The following GAPVD1 variants were observed in gnomAD, a reference collection of about 807,000 sequenced individuals.
GAPVD1 encodes the protein GTPase-activating protein and VPS9 domain-containing protein 1.
GAPVD1 carries 35 observed loss-of-function variants against 155.5 expected under a neutral mutation model. The observed-to-expected ratio is 0.23, with a 90% CI of 0.17 to 0.30. The LOEUF (loss-of-function observed/expected upper bound fraction) is 0.30. Ranked by LOEUF, GAPVD1 falls within the 10% of genes least tolerant of loss-of-function variation. The probability of loss-of-function intolerance (pLI) is 1.00; values close to 1 mark genes in which losing one functional copy is unlikely to be tolerated. For missense variants in GAPVD1, 1,429 were observed against 1,775.7 expected (o/e 0.80, Z 3.51); for synonymous variants, 636 against 619.7 (o/e 1.03, Z -0.39).
chr9:125,332,385 A>G (rs1212024194), intron 14 of GAPVD1, 125 bp from the exon 15 acceptor site: 4 of 721,102 alleles, frequency 5.5e-6, no homozygotes, highest in African/African-American at 5.3e-5. Context: ...ATATAATACT[A>G]AACTCACATG....
intron 9 of GAPVD1, among the ~76,000 whole-genome samples, chr9:125,319,569 CTA>C (rs1381540698): frequency 1.7e-5 from 2 of 119,288 alleles, no homozygotes; most frequent in African/African-American, 6.5e-5. Flanking sequence ...TGGCCTATGT[CTA>C]TTAATTTCAA....
chr9:125,341,491 A>G lies in GAPVD1; in HGVS notation c.2965+227A>G, dbSNP rs550688054. 1.2e-5 allele frequency: 5 copies of G among 417,572 alleles called. No homozygotes were observed. In the East Asian group the frequency reaches 1.8e-4, roughly 15 times the overall value. 25.9% of individuals were successfully genotyped at this position (417,572 alleles called of 1,614,324 possible). A position where few individuals can be genotyped will look rare whatever the true frequency, so the allele number is the denominator to read the frequency against. On this transcript the variant is annotated intron_variant, in intron 18 of 27. Transcript: ENST00000297933. ...GATAGTGGTTTCATAAATGGAAGTC[A>G]TGCCTGTCACTATTGTTTAAATATC...
At chr9:125,301,215 C>A (rs529189148) in intron 4 of GAPVD1, among the ~76,000 whole-genome samples, 1 of 152,136 alleles carries the variant, frequency 6.6e-6, no homozygotes, top group South Asian at 2.1e-4. Context: ...CCTACAGGCA[C>A]ACGCCACCAC....
chr9:125,277,706 CA>C (rs966524418), intron 2 of GAPVD1, among the ~76,000 whole-genome samples: 1 of 144,186 alleles, frequency 6.9e-6, no homozygotes, highest in Non-Finnish European at 1.5e-5. Context: ...TTTTTTGAGA[CA>C]GGGTCTTGCT....
intron 2 of GAPVD1, among the ~76,000 whole-genome samples, chr9:125,288,888 T>C (rs907638811): frequency 3.3e-5 from 5 of 152,084 alleles, no homozygotes; most frequent in Non-Finnish European, 2.9e-5. Flanking sequence ...GCAGGGAAAG[T>C]GTGTGGCATA....
At position 125,330,162 on chromosome 9, in the gene GAPVD1, C is replaced by A; in HGVS notation, c.2117C>A (p.Thr706Asn). 1 of 1,611,922 alleles carries A rather than the reference C, an allele frequency of 6.2e-7. No homozygotes were observed. Among genetic ancestry groups the A allele is most frequent in the Non-Finnish European group, 8.5e-7 (1 of 1,178,188 alleles). Residue 706 changes from threonine to asparagine, a missense_variant, in exon 13 of 28, where the codon ACC becomes AAC. Thr to Asn is a moderately conservative substitution (Grantham distance 65). Coordinates refer to ENST00000297933, the MANE Select transcript of GAPVD1 (RefSeq NM_001282680.3). ...SVLLDPCTGS[T>N]ISETTSEAWS... The stretch of plus-strand genomic sequence containing the variant: ...CTTCTTGACCCCTGCACTGGTTCTA[C>A]CATATCAGAGACAACAAGTGAAGCT...
chr9:125,274,346 A>G (rs1490705883), intron 2 of GAPVD1, among the ~76,000 whole-genome samples: 1 of 152,084 alleles, frequency 6.6e-6, no homozygotes, highest in Non-Finnish European at 1.5e-5. Context: ...AAAAAACTAA[A>G]AACAATGGAA....
At chr9:125,335,057 TA>T (rs914866836) in intron 15 of GAPVD1, 2 of 539,080 alleles carry the variant, frequency 3.7e-6, no homozygotes, top group African/African-American at 3.9e-5. Context: ...AGCTATCCTT[TA>T]AAAAACTATA....
chr9:125,337,608 G>A lies in GAPVD1; in HGVS notation c.2877+17G>A, dbSNP rs1395678224. 12 of 1,589,542 alleles carry A rather than the reference G, an allele frequency of 7.5e-6. No homozygotes were observed. The highest frequency in any genetic ancestry group is 3.5e-5 in the Admixed American group (2 of 56,406). On this transcript the variant is annotated intron_variant, in intron 17 of 27. Transcript: ENST00000297933. ...AGAGGAGAGGTATGGGACATAGGCCGTGAAAAAGAATTATGTTCTGCCTGC... is the reference window on the plus strand; with the variant it reads ...AGAGGAGAGGTATGGGACATAGGCCATGAAAAAGAATTATGTTCTGCCTGC...
At chr9:125,293,174 A>G (rs546584920) in intron 2 of GAPVD1, among the ~76,000 whole-genome samples, 65 of 152,296 alleles carry the variant, frequency 4.3e-4, no homozygotes, top group African/African-American at 1.4e-3. Context: ...TTTGGAGTCT[A>G]GGAACCTGTT....
intron 6 of GAPVD1, among the ~76,000 whole-genome samples, chr9:125,305,495 C>A (rs1009720409): frequency 6.6e-6 from 1 of 151,908 alleles, no homozygotes; most frequent in African/African-American, 2.4e-5. Flanking sequence ...CTCAGCCTCC[C>A]CAGTAACTGG....
intron 2 of GAPVD1, among the ~76,000 whole-genome samples, chr9:125,272,135 T>A (rs1835020214): frequency 6.6e-6 from 1 of 152,094 alleles, no homozygotes; most frequent in Non-Finnish European, 1.5e-5. Context: ...GCGATTCTCC[T>A]GCCTCAGCCA....
At chr9:125,306,522 T>G (rs897333892) in intron 6 of GAPVD1, among the ~76,000 whole-genome samples, 1 of 152,200 alleles carries the variant, frequency 6.6e-6, no homozygotes. Flanking sequence ...CTTTTTTTTT[T>G]GAGACAGGGT....
intron 2 of GAPVD1, among the ~76,000 whole-genome samples, chr9:125,280,695 C>T (rs1836653397): frequency 6.6e-6 from 1 of 151,702 alleles, no homozygotes; most frequent in Non-Finnish European, 1.5e-5. Context: ...CCCACCTCAG[C>T]CTCTCGAGTG....
intron 1 of GAPVD1, among the ~76,000 whole-genome samples, chr9:125,263,179 A>C (rs1051977469): frequency 8.5e-5 from 13 of 152,354 alleles, no homozygotes; most frequent in African/African-American, 2.4e-4. Context: ...GTCCGTGCAC[A>C]AAAAGATTAA....
At chr9:125,342,078 G>A in intron 18 of GAPVD1, 141 bp from the exon 19 acceptor site, 2 of 587,244 alleles carry the variant, frequency 3.4e-6, no homozygotes, top group Non-Finnish European at 6.1e-6. Flanking sequence ...CTATTTTAAG[G>A]ACAATTATCA....
chr9:125,341,934 TTGAATGTGTTTTTGAGC>T, intron 18 of GAPVD1: 1 of 229,336 alleles, frequency 4.4e-6, no homozygotes, highest in East Asian at 1.0e-4. Context: ...GCTAGGAGTT[TTGAATGTGTTTTTGAGC>T]AGAGGTTAAG....
chr9:125,300,173 A>C (rs550551831), intron 4 of GAPVD1, among the ~76,000 whole-genome samples: 71 of 141,276 alleles, frequency 5.0e-4, no homozygotes, highest in African/African-American at 1.8e-3. Context: ...CCTACGAAGA[A>C]CATTTATTTT....
intron 4 of GAPVD1, among the ~76,000 whole-genome samples, chr9:125,301,649 C>T (rs910801133): frequency 3.3e-5 from 5 of 151,866 alleles, no homozygotes; most frequent in Non-Finnish European, 5.9e-5. Context: ...GGAGTTTCGC[C>T]GTGTTGGCCA....
Sources: allele counts gnomAD v4.1 joint callset (sites outside exome capture counted in the v4.1 genomes callset), GRCh38; gene constraint gnomAD v4.1.1; transcripts MANE v1.5; gene names NCBI Gene and HGNC (gene_info 2026-07-23, HGNC 2026-07-21).